Variants in NUP35 observed in about 807,000 individuals in gnomAD.
The protein encoded by NUP35 is nucleoporin 35, also known as nucleoporin NUP35.
In NUP35, 25 loss-of-function variants were observed where a neutral mutation model predicts 41.5. The observed-to-expected ratio is 0.60, with a 90% CI of 0.44 to 0.84. The LOEUF is 0.84. NUP35 is among the 40% of genes least tolerant of loss of function. NUP35 has a pLI of 0.00. For synonymous variants in NUP35, 149 were observed against 130.7 expected, an observed-to-expected ratio of 1.14 and a Z score of -0.96; for missense variants, 396 against 396.6, an observed-to-expected ratio of 1.00 and a Z score of 0.01.
intron 4 of NUP35, among the ~76,000 whole-genome samples, chr2:183,137,640 G>A (rs1209550099): frequency 2.6e-5 from 4 of 151,856 alleles, no homozygotes; most frequent in African/African-American, 9.7e-5. Flanking sequence ...TCCAAAAACA[G>A]GGCTGAGTGT....
chr2:183,135,276 CA>C lies in NUP35; in HGVS notation c.397+1655del, dbSNP rs150615407. 2.4e-3 allele frequency among the ~76,000 whole-genome samples: 361 copies of C among 152,234 alleles called. 3 individuals are homozygous for C. The highest frequency in any genetic ancestry group is 8.3e-3 in the African/African-American group (345 of 41,542). The stretch of plus-strand genomic sequence containing the variant: ...CCACCTACCACTGATAGTTAGGGGG[CA>C]AGTAAACTTTACTCAAAAGTCTGTA... On this transcript the variant is annotated intron_variant, in intron 4 of 8. Coordinates refer to ENST00000295119, the MANE Select transcript of NUP35 (RefSeq NM_138285.5).
In NUP35 at chr2:183,161,130, A is replaced by G. The variant is rs1036177755; in HGVS notation, c.980A>G (p.Ter327TrpextTer1). Residue 327 changes from the stop codon to tryptophan, a stop_lost, in exon 9 of 9, where the codon TAG becomes TGG. Coordinates refer to ENST00000295119, the MANE Select transcript of NUP35 (RefSeq NM_138285.5). ...GCAATGGAGTACATGTTTGGCTGGT[A>G]GTAGAACACCAAGAAGGAGGTTGCT... ...SKAMEYMFGW[*>W] 3.7e-6 allele frequency: 6 copies of G among 1,610,994 alleles called. No homozygotes were observed. The highest frequency in any genetic ancestry group is 1.7e-5 in the Admixed American group (1 of 59,974).
intron 4 of NUP35, among the ~76,000 whole-genome samples, chr2:183,135,512 G>T (rs1054394799): frequency 6.6e-6 from 1 of 152,188 alleles, no homozygotes; most frequent in African/African-American, 2.4e-5. Context: ...AAAGGTGGAA[G>T]ACAATAAGGA....
upstream of NUP35, among the ~76,000 whole-genome samples, chr2:183,122,434 C>G (rs1429058705): frequency 1.3e-5 from 2 of 152,286 alleles, no homozygotes; most frequent in South Asian, 4.1e-4. Flanking sequence ...TTTTCTCTTT[C>G]TCTGCATCTG....
chr2:183,143,155 CAAAAA>C (rs71407011), intron 4 of NUP35, among the ~76,000 whole-genome samples: 1 of 121,940 alleles, frequency 8.2e-6, no homozygotes, highest in Non-Finnish European at 1.7e-5. Context: ...GACTCCATCT[CAAAAA>C]AAAAAAAAAA....
upstream of NUP35, chr2:183,124,424 G>A (rs1559139980): frequency 1.9e-6 from 3 of 1,614,032 alleles, no homozygotes; most frequent in Non-Finnish European, 8.5e-7. Context: ...AATTAATTGG[G>A]AAGGTACTGG....
chr2:183,161,117 A>C lies in NUP35; in HGVS notation c.967A>C (p.Met323Leu). The C allele has an allele frequency of 6.2e-7, 1 of 1,612,764 alleles. No homozygotes were observed. Among genetic ancestry groups the C allele is most frequent in the Non-Finnish European group, 8.5e-7 (1 of 1,179,070 alleles). Residue 323 changes from methionine (M) to leucine (L), a missense_variant, in exon 9 of 9, where the codon ATG (methionine) becomes CTG (leucine). Coordinates refer to ENST00000295119, the MANE Select transcript of NUP35 (RefSeq NM_138285.5). ...TCTTGTATCCAAAGCAATGGAGTAC[A>C]TGTTTGGCTGGTAGTAGAACACCAA... Reference protein sequence around the residue: ...ESLVSKAMEYMFGW With the variant: ...ESLVSKAMEYLFGW
intron 4 of NUP35, among the ~76,000 whole-genome samples, chr2:183,139,901 C>G (rs983497225): frequency 2.6e-5 from 4 of 152,204 alleles, no homozygotes; most frequent in African/African-American, 9.7e-5. Flanking sequence ...TAATTTGTTA[C>G]AGCAGCCACA....
chr2:183,122,452 ATAAAC>A (rs1700083060), upstream of NUP35, among the ~76,000 whole-genome samples: 1 of 152,188 alleles, frequency 6.6e-6, no homozygotes, highest in African/African-American at 2.4e-5. Flanking sequence ...CTGTTCCTAA[ATAAAC>A]CCGTTATTAA....
At chr2:183,124,985 G>C (rs997536490) in intron 1 of NUP35, among the ~76,000 whole-genome samples, 4 of 149,564 alleles carry the variant, frequency 2.7e-5, no homozygotes, top group Non-Finnish European at 5.9e-5. Context: ...CCTCTCTCCC[G>C]GGCTTTGCCA....
intron 5 of NUP35, among the ~76,000 whole-genome samples, chr2:183,156,125 G>A (rs768140122): frequency 2.6e-5 from 4 of 152,102 alleles, no homozygotes; most frequent in African/African-American, 4.8e-5. Flanking sequence ...TCTACTCAAA[G>A]TGGTCCAAGA....
intron 5 of NUP35, among the ~76,000 whole-genome samples, chr2:183,152,473 T>G (rs1685506210): frequency 1.3e-5 from 2 of 152,146 alleles, no homozygotes; most frequent in Non-Finnish European, 2.9e-5. Flanking sequence ...GTCCATTGCA[T>G]CATTCTTATG....
chr2:183,154,979 A>C (rs753455310), intron 5 of NUP35, among the ~76,000 whole-genome samples: 5 of 152,152 alleles, frequency 3.3e-5, no homozygotes, highest in Non-Finnish European at 4.4e-5. Flanking sequence ...CAAAAGCGGA[A>C]GCCCCTGATA....
intron 4 of NUP35, among the ~76,000 whole-genome samples, chr2:183,146,738 A>G (rs949522964): frequency 3.3e-5 from 5 of 152,030 alleles, no homozygotes; most frequent in African/African-American, 4.8e-5. Flanking sequence ...CTGGGACTAC[A>G]GGCACCCGCC....
At chr2:183,119,407 C>CT (rs1700035200) in intron 1 of NUP35, among the ~76,000 whole-genome samples, 1 of 152,120 alleles carries the variant, frequency 6.6e-6, no homozygotes, top group Non-Finnish European at 1.5e-5. Flanking sequence ...AAACAAGTAT[C>CT]TTACAGCAAA....
At chr2:183,150,267 T>G (rs1685421615) in intron 4 of NUP35, among the ~76,000 whole-genome samples, 1 of 152,222 alleles carries the variant, frequency 6.6e-6, no homozygotes, top group South Asian at 2.1e-4. Context: ...CTCAGATTTT[T>G]CTGTTGGTTT....
upstream of NUP35, chr2:183,123,732 A>G: frequency 1.1e-6 from 1 of 930,340 alleles, no homozygotes; most frequent in Non-Finnish European, 1.3e-6. Context: ...ACGTATGACT[A>G]TGCCCTAAAG....
chr2:183,132,966 C>T (rs972410819), intron 3 of NUP35, among the ~76,000 whole-genome samples: 2 of 152,134 alleles, frequency 1.3e-5, no homozygotes, highest in African/African-American at 4.8e-5. Flanking sequence ...TTATTGAGTT[C>T]TAGAGAGATT....
At chr2:183,142,529 T>A (rs1685132396) in intron 4 of NUP35, among the ~76,000 whole-genome samples, 1 of 152,026 alleles carries the variant, frequency 6.6e-6, no homozygotes, top group Non-Finnish European at 1.5e-5. Flanking sequence ...TTGCCCAGGC[T>A]GGAGTGTAGT....
Sources: allele counts gnomAD v4.1 joint callset (sites outside exome capture counted in the v4.1 genomes callset), GRCh38; gene constraint gnomAD v4.1.1; transcripts MANE v1.5; gene names NCBI Gene and HGNC (gene_info 2026-07-23, HGNC 2026-07-21).